Variants in ARMC3 observed in about 807,000 individuals in gnomAD.
The protein encoded by ARMC3 is armadillo repeat containing 3.
Under a neutral mutation model 90.3 loss-of-function variants are expected in ARMC3, and 74 were observed. The observed-to-expected ratio is 0.82, with a 90% CI of 0.68 to 0.99. The LOEUF is 0.99. ARMC3 is among the 50% of genes least tolerant of loss of function. ARMC3 has a pLI of 0.00. For synonymous variants in ARMC3, 334 were observed against 361.8 expected (o/e 0.92, Z 0.87); for missense variants, 958 against 1,042.8 (o/e 0.92, Z 1.12).
intron 3 of ARMC3, among the ~76,000 whole-genome samples, chr10:22,949,660 A>G (rs1412811684): frequency 6.6e-6 from 1 of 152,180 alleles, no homozygotes; most frequent in Non-Finnish European, 1.5e-5. Context: ...GGAGTCTCTG[A>G]AAAAGGGAGA....
intron 16 of ARMC3, among the ~76,000 whole-genome samples, chr10:23,020,294 A>G (rs1564401147): frequency 6.6e-6 from 1 of 152,022 alleles, no homozygotes; most frequent in Admixed American, 6.6e-5. Flanking sequence ...CACCCAGCTA[A>G]TTTTGTATTT....
Position 23,032,996 on chromosome 10 carries a change from C to A in ARMC3, c.2382C>A (p.Ile794=), listed in dbSNP as rs1838976315. The change falls in exon 18 of 19, where the codon ATC becomes ATA. Residue 794 remains isoleucine (I), a synonymous_variant. Transcript: ENST00000298032. ...VIPIGHVKKG[I]FYHRALLFKA... ...CGATTGGACATGTCAAAAAAGGAAT[C>A]TTCTACCATCGAGCTTTGCTTTTCA... The A allele has an allele frequency of 1.2e-6, 2 of 1,612,724 alleles. No individual in the cohort carries two copies. The highest frequency in any genetic ancestry group is 1.7e-6 in the Non-Finnish European group (2 of 1,179,240).
chr10:22,931,511 A>G (rs1008273214), intron 1 of ARMC3, among the ~76,000 whole-genome samples: 2 of 152,238 alleles, frequency 1.3e-5, no homozygotes, highest in Non-Finnish European at 2.9e-5. Flanking sequence ...CTCCTAGGAA[A>G]AATGGAGTTA....
chr10:22,979,838 T>C (rs2131331578), intron 8 of ARMC3, among the ~76,000 whole-genome samples: 1 of 152,262 alleles, frequency 6.6e-6, no homozygotes, highest in African/African-American at 2.4e-5. Flanking sequence ...GAGATTAAAA[T>C]GATAGGATTA....
intron 14 of ARMC3, among the ~76,000 whole-genome samples, chr10:23,007,287 A>G (rs879292192): frequency 3.3e-5 from 5 of 152,214 alleles, no homozygotes; most frequent in Admixed American, 2.6e-4. Flanking sequence ...AAATAGCAGC[A>G]AACCGAGATG....
intron 1 of ARMC3, among the ~76,000 whole-genome samples, chr10:22,931,740 T>G (rs759484512): frequency 1.3e-5 from 2 of 152,224 alleles, no homozygotes; most frequent in African/African-American, 2.4e-5. Flanking sequence ...ATGCCACTAA[T>G]ATATTCACCT....
At chr10:23,005,322 G>A (rs1338828840) in intron 13 of ARMC3, among the ~76,000 whole-genome samples, 2 of 151,590 alleles carry the variant, frequency 1.3e-5, no homozygotes, top group Non-Finnish European at 1.5e-5. Flanking sequence ...CCTTGCCATA[G>A]ATCAGATAAA....
intron 16 of ARMC3, among the ~76,000 whole-genome samples, chr10:23,016,339 G>A (rs1434378555): frequency 6.6e-6 from 1 of 152,158 alleles, no homozygotes; most frequent in Admixed American, 6.5e-5. Context: ...AAAGGAGCAA[G>A]GGATTAAACT....
chr10:22,931,873 T>C, intron 1 of ARMC3, 123 bp from the exon 2 acceptor site: 2 of 724,242 alleles, frequency 2.8e-6, no homozygotes, highest in Non-Finnish European at 4.6e-6. Flanking sequence ...TTTTTACATG[T>C]ATTGCATTGT....
At chr10:23,021,258 A>G (rs1838502401) in intron 16 of ARMC3, among the ~76,000 whole-genome samples, 1 of 152,222 alleles carries the variant, frequency 6.6e-6, no homozygotes, top group Admixed American at 6.5e-5. Context: ...TATCGTGAAT[A>G]GTGCTGCAAT....
At chr10:22,997,309 G>A (rs1384406061) in intron 10 of ARMC3, 2 of 152,196 alleles carry the variant, frequency 1.3e-5, no homozygotes, top group African/African-American at 4.8e-5. Context: ...GGTGGGGACT[G>A]GCTAGAACTT....
rs542520334 is a variant in ARMC3 at position 23,035,038 on chromosome 10, T to C, written c.2409+2015T>C. Among the ~76,000 whole-genome samples, 9 of 152,310 alleles carry C rather than the reference T, an allele frequency of 5.9e-5. No homozygotes were observed. In the South Asian group the frequency reaches 1.2e-3, roughly 21 times the overall value. On this transcript the variant is annotated intron_variant, in intron 18 of 18. Coordinates refer to ENST00000298032, the MANE Select transcript of ARMC3 (RefSeq NM_173081.5). The stretch of plus-strand genomic sequence containing the variant: ...ATAGACTGGAAGATTAAACAGCATT[T>C]ATTTATTTCTCATAGTTCTGGAGGC...
chr10:23,028,849 A>T (rs1838815616), intron 16 of ARMC3, among the ~76,000 whole-genome samples: 1 of 149,230 alleles, frequency 6.7e-6, no homozygotes, highest in Admixed American at 6.6e-5. Context: ...CTAGGAATTT[A>T]TAAATAAATA....
chr10:22,987,106 T>C (rs1390395232), intron 10 of ARMC3, among the ~76,000 whole-genome samples: 2 of 152,246 alleles, frequency 1.3e-5, no homozygotes, highest in African/African-American at 4.8e-5. Flanking sequence ...GGTATACTGC[T>C]AATCTCTTTT....
At chr10:22,944,135 T>C (rs536831747) in intron 2 of ARMC3, among the ~76,000 whole-genome samples, 1 of 152,232 alleles carries the variant, frequency 6.6e-6, no homozygotes, top group South Asian at 2.1e-4. Context: ...TGTGAACGCC[T>C]GAACATCTGA....
intron 10 of ARMC3, among the ~76,000 whole-genome samples, chr10:22,988,107 T>C (rs184806016): frequency 8.2e-4 from 125 of 152,372 alleles, no homozygotes; most frequent in African/African-American, 2.8e-3. Context: ...TCGTTATATA[T>C]GGATAACTTG....
chr10:22,972,255 C>T (rs1338135658), intron 8 of ARMC3, among the ~76,000 whole-genome samples: 1 of 152,184 alleles, frequency 6.6e-6, no homozygotes, highest in Non-Finnish European at 1.5e-5. Flanking sequence ...TCCAATAACT[C>T]ATTACCAAAT....
intron 8 of ARMC3, among the ~76,000 whole-genome samples, chr10:22,980,437 A>G (rs1836137024): frequency 6.6e-6 from 1 of 152,104 alleles, no homozygotes; most frequent in African/African-American, 2.4e-5. Flanking sequence ...TTTCATCAAA[A>G]CAGTTTAATT....
intron 7 of ARMC3, among the ~76,000 whole-genome samples, chr10:22,967,459 A>G (rs1835488238): frequency 1.3e-5 from 2 of 152,102 alleles, no homozygotes; most frequent in South Asian, 4.1e-4. Flanking sequence ...ACAACCAAAT[A>G]TTTCCCAATG....
Sources: gnomAD v4.1 joint callset for allele counts (sites outside exome capture counted in the v4.1 genomes callset) on GRCh38, gnomAD v4.1.1 for gene constraint, MANE v1.5 for transcripts, NCBI Gene and HGNC (gene_info 2026-07-23, HGNC 2026-07-21) for gene names.